CLVS1: variants seen among roughly 807,000 people sequenced by gnomAD.
CLVS1 encodes clavesin 1, also known as clavesin-1.
CLVS1 carries 10 observed loss-of-function variants against 33.1 expected under a neutral mutation model. That is an observed-to-expected ratio of 0.30 (90% confidence interval 0.19 to 0.51). The LOEUF is 0.51. Ranked by LOEUF, CLVS1 falls within the 20% of genes least tolerant of loss-of-function variation. CLVS1 has a pLI of 0.97. For missense variants in CLVS1, 343 were observed against 433.4 expected (o/e 0.79, Z 1.85); for synonymous variants, 163 against 166.1 (o/e 0.98, Z 0.14).
chr8:61,080,854 C>A (rs1478245922), intron 1 of CLVS1, among the ~76,000 whole-genome samples: 3 of 152,074 alleles, frequency 2.0e-5, no homozygotes, highest in Admixed American at 6.5e-5. Context: ...GGAAGTGAGC[C>A]AGCAAGAGTT....
intron 2 of CLVS1, among the ~76,000 whole-genome samples, chr8:61,273,335 G>A (rs1407414421): frequency 1.3e-5 from 2 of 152,194 alleles, no homozygotes; most frequent in African/African-American, 2.4e-5. Flanking sequence ...ACTTGAGGAG[G>A]CAGTCTGCCC....
the CLVS1 span, among the ~76,000 whole-genome samples, chr8:60,988,293 A>G: frequency 2.0e-4 from 30 of 152,076 alleles, no homozygotes; most frequent in Non-Finnish European, 4.1e-4. Flanking sequence ...AACCCAGATG[A>G]CCTCTCCTCA....
At chr8:61,289,226 G>C (rs1455511551) in intron 1 of CLVS1, among the ~76,000 whole-genome samples, 3 of 152,186 alleles carry the variant, frequency 2.0e-5, no homozygotes, top group Middle Eastern at 3.2e-3. Flanking sequence ...AATAGTAAAG[G>C]GTAATAGAAT....
intron 1 of CLVS1, among the ~76,000 whole-genome samples, chr8:61,110,414 T>C (rs1318942864): frequency 6.6e-6 from 1 of 152,120 alleles, no homozygotes; most frequent in African/African-American, 2.4e-5. Context: ...AGTTTTGTCT[T>C]AGATTGAAAC....
intron 2 of CLVS1, among the ~76,000 whole-genome samples, chr8:61,224,457 G>A (rs762842675): frequency 2.0e-5 from 3 of 152,150 alleles, no homozygotes; most frequent in Non-Finnish European, 4.4e-5. Context: ...TTTGCTGGGG[G>A]TTCACTTCAG....
At chr8:61,324,089 T>C (rs1172125853) in intron 2 of CLVS1, among the ~76,000 whole-genome samples, 2 of 152,190 alleles carry the variant, frequency 1.3e-5, no homozygotes, top group African/African-American at 2.4e-5. Flanking sequence ...TTCTGAATAG[T>C]GCTGCAATGA....
At chr8:61,169,822 G>T (rs188890208) in intron 2 of CLVS1, among the ~76,000 whole-genome samples, 27 of 152,192 alleles carry the variant, frequency 1.8e-4, no homozygotes, top group African/African-American at 6.3e-4. Flanking sequence ...GAGTAAGTTT[G>T]TATGCCTTTT....
intron 2 of CLVS1, among the ~76,000 whole-genome samples, chr8:61,338,995 T>G (rs1041005509): frequency 1.4e-5 from 2 of 139,808 alleles, no homozygotes; most frequent in African/African-American, 5.1e-5. Context: ...TGTGTGTGTA[T>G]GCATGTGAGT....
chr8:61,112,207 C>T (rs1003158103), intron 1 of CLVS1, among the ~76,000 whole-genome samples: 1 of 141,420 alleles, frequency 7.1e-6, no homozygotes, highest in African/African-American at 2.8e-5. Flanking sequence ...CACACACACA[C>T]ACACACACAC....
chr8:61,090,975 A>G (rs1805233731), intron 1 of CLVS1: 1 of 474,730 alleles, frequency 2.1e-6, no homozygotes, highest in Non-Finnish European at 4.2e-6. Context: ...TGGTAGACTG[A>G]TTAATGACCC....
intron 2 of CLVS1, among the ~76,000 whole-genome samples, chr8:61,226,876 T>TGACA (rs1808341685): frequency 6.6e-6 from 1 of 152,156 alleles, no homozygotes; most frequent in Non-Finnish European, 1.5e-5. Context: ...GCTGCAGTAA[T>TGACA]GACAGTCTCC....
At chr8:61,176,651 G>A (rs1807117479) in intron 2 of CLVS1, among the ~76,000 whole-genome samples, 1 of 152,182 alleles carries the variant, frequency 6.6e-6, no homozygotes, top group Admixed American at 6.5e-5. Context: ...TCTGTCTCAG[G>A]ACTGACTAGG....
At chr8:61,428,743 A>G (rs1363985397) in intron 3 of CLVS1, among the ~76,000 whole-genome samples, 2 of 152,228 alleles carry the variant, frequency 1.3e-5, no homozygotes, top group Non-Finnish European at 2.9e-5. Context: ...ATCTGTGCAT[A>G]CTTAAATCCC....
At chr8:61,309,851 A>G (rs1407670418) in intron 2 of CLVS1, among the ~76,000 whole-genome samples, 2 of 152,234 alleles carry the variant, frequency 1.3e-5, no homozygotes, top group African/African-American at 2.4e-5. Flanking sequence ...TAGGTGGGAT[A>G]TAACTCTTCA....
chr8:61,063,806 A>G (rs889294373), intron 1 of CLVS1, among the ~76,000 whole-genome samples: 2 of 152,192 alleles, frequency 1.3e-5, no homozygotes, highest in Non-Finnish European at 2.9e-5. Context: ...AATGCCGCAC[A>G]ATCATCCCCC....
the CLVS1 span, among the ~76,000 whole-genome samples, chr8:61,011,727 G>A: frequency 4.6e-5 from 7 of 152,232 alleles, no homozygotes; most frequent in East Asian, 7.7e-4. Flanking sequence ...GATTACAGGC[G>A]TGAACCACCT....
At chr8:61,462,223 T>A (rs1817393238) in intron 5 of CLVS1, among the ~76,000 whole-genome samples, 2 of 152,220 alleles carry the variant, frequency 1.3e-5, no homozygotes, top group African/African-American at 4.8e-5. Flanking sequence ...AATGTGGATA[T>A]TTTGACCTCC....
chr8:61,026,425 C>A, the CLVS1 span, among the ~76,000 whole-genome samples: 1 of 152,212 alleles, frequency 6.6e-6, no homozygotes, highest in African/African-American at 2.4e-5. Context: ...TTATGGCAAC[C>A]CCAGCCCTAG....
At chr8:61,149,551 C>CAAAAAAAAAAA (rs1166606940) in intron 2 of CLVS1, among the ~76,000 whole-genome samples, 40 of 51,944 alleles carry the variant, frequency 7.7e-4, no homozygotes, top group Middle Eastern at 9.1e-3. Flanking sequence ...GACTCTGTCT[C>CAAAAAAAAAAA]AAAAAAAAAA....
Sources: gnomAD v4.1 joint callset for allele counts (sites outside exome capture counted in the v4.1 genomes callset) on GRCh38, gnomAD v4.1.1 for gene constraint, MANE v1.5 for transcripts, NCBI Gene and HGNC (gene_info 2026-07-23, HGNC 2026-07-21) for gene names.